ADAMTSL1: variants seen among roughly 807,000 people sequenced by gnomAD.
The protein encoded by ADAMTSL1 is ADAMTS like 1.
A neutral mutation model predicts 201.8 loss-of-function variants in ADAMTSL1; 126 were observed. That is an observed-to-expected ratio of 0.62 (90% confidence interval 0.54 to 0.72). The LOEUF (loss-of-function observed/expected upper bound fraction) is 0.72. Among genes scored for constraint, ADAMTSL1 ranks in the 30% least tolerant of loss-of-function variants. The probability of loss-of-function intolerance (pLI) is 0.00; values close to 1 mark genes in which losing one functional copy is unlikely to be tolerated. For synonymous variants in ADAMTSL1, 1,121 were observed against 903.4 expected (o/e 1.24, Z -4.32); for missense variants, 2,679 against 2,277.8 (o/e 1.18, Z -3.59).
chr9:18,383,630 T>TA (rs1183609306), intron 2 of ADAMTSL1, among the ~76,000 whole-genome samples: 7 of 152,144 alleles, frequency 4.6e-5, no homozygotes, highest in Non-Finnish European at 7.4e-5. Context: ...GCATCCTGGT[T>TA]GACTGTCCCC....
In ADAMTSL1 at chr9:18,134,107, A is replaced by G. The variant is rs117943166; in HGVS notation, c.88-29755A>G. Among the ~76,000 whole-genome samples the G allele has an allele frequency of 1.4e-3, 219 of 152,302 alleles. 2 individuals are homozygous for G. In the East Asian group the frequency reaches 0.019, roughly 13 times the overall value. ...TTGAAATAAACTCCCATTAAGCCAT[A>G]TCTGTGCATGCCTAGTTTGGCACAG... On this transcript the variant is annotated intron_variant, in intron 1 of 29. Transcript: ENST00000680146.
At chr9:18,227,633 GTC>G (rs969698461) in intron 2 of ADAMTSL1, among the ~76,000 whole-genome samples, 12 of 152,122 alleles carry the variant, frequency 7.9e-5, no homozygotes, top group Admixed American at 3.3e-4. Context: ...AAACATGTAT[GTC>G]TTTTTCACAA....
chr9:18,053,551 C>A (rs1822035769), intron 1 of ADAMTSL1, among the ~76,000 whole-genome samples: 2 of 152,122 alleles, frequency 1.3e-5, no homozygotes, highest in Non-Finnish European at 2.9e-5. Context: ...CATATTCCAC[C>A]TTCTTAATTG....
chr9:17,949,765 T>C (rs2131370376), intron 1 of ADAMTSL1, among the ~76,000 whole-genome samples: 1 of 152,276 alleles, frequency 6.6e-6, no homozygotes, highest in South Asian at 2.1e-4. Context: ...GTGCAACTAA[T>C]GTGTGGCTTC....
chr9:18,424,392 G>A (rs902031521), intron 2 of ADAMTSL1, among the ~76,000 whole-genome samples: 4 of 152,144 alleles, frequency 2.6e-5, no homozygotes, highest in African/African-American at 4.8e-5. Flanking sequence ...ATCTTATACA[G>A]TCCCCATGAC....
chr9:18,405,622 A>T (rs1473292991), intron 2 of ADAMTSL1, among the ~76,000 whole-genome samples: 3 of 149,996 alleles, frequency 2.0e-5, no homozygotes, highest in Admixed American at 2.0e-4. Flanking sequence ...AAAACTTGGA[A>T]AAACAGAAGA....
intron 2 of ADAMTSL1, among the ~76,000 whole-genome samples, chr9:18,438,048 GGGAACTTTTGTTAACGCGT>G (rs1230062484): frequency 1.4e-4 from 22 of 152,106 alleles, no homozygotes; most frequent in African/African-American, 5.1e-4. Flanking sequence ...TGAGGAGCCA[GGGAACTTTTGTTAACGCGT>G]GCTTGATGGT....
At chr9:18,252,096 A>G (rs1831486007) in intron 2 of ADAMTSL1, among the ~76,000 whole-genome samples, 1 of 152,168 alleles carries the variant, frequency 6.6e-6, no homozygotes, top group African/African-American at 2.4e-5. Context: ...AAATTGGATG[A>G]TATAGTATAA....
In ADAMTSL1 at chr9:18,884,532, T is replaced by A. The variant is rs900527862; in HGVS notation, c.4250-3299T>A. 2.6e-5 allele frequency among the ~76,000 whole-genome samples: 4 copies of A among 152,216 alleles called. 1 individual carries two copies. Among genetic ancestry groups the A allele is most frequent in the Non-Finnish European group, 5.9e-5 (4 of 68,000 alleles). ...TTTCCCCTGCGATTTTTTTTAAGAG[T>A]TTTATGCTTTCAGCTCTTAGGTTTA... On this transcript the variant is annotated intron_variant, in intron 23 of 28. Coordinates refer to ENST00000380548, the MANE Select transcript of ADAMTSL1 (RefSeq NM_001040272.6).
At chr9:17,945,248 A>G (rs1240061702) in intron 1 of ADAMTSL1, among the ~76,000 whole-genome samples, 1 of 139,914 alleles carries the variant, frequency 7.1e-6, no homozygotes, top group East Asian at 2.1e-4. Context: ...GAGAAATGCA[A>G]ATCAAAACCA....
intron 1 of ADAMTSL1, among the ~76,000 whole-genome samples, chr9:17,939,591 A>G (rs1006561394): frequency 6.6e-5 from 10 of 152,250 alleles, no homozygotes; most frequent in Non-Finnish European, 1.2e-4. Flanking sequence ...AGCTCCTTTA[A>G]TGAAAGGATG....
In ADAMTSL1 at chr9:18,817,217, C is replaced by A; in HGVS notation, c.3914C>A (p.Thr1305Lys). The A allele has an allele frequency of 6.4e-7, 1 of 1,557,796 alleles. No homozygotes were observed. Among genetic ancestry groups the A allele is most frequent in the South Asian group, 1.2e-5 (1 of 84,452 alleles). The change falls in exon 21 of 29, where the codon ACA becomes AAA. Residue 1305 changes from threonine (T) to lysine (K), a missense_variant. Physicochemically the swap from Thr to Lys is moderately conservative, Grantham distance 78. Transcript: ENST00000380548. ...TIKTVQGVNVTINCQVAGVPE... is the reference protein window; with the variant it reads ...TIKTVQGVNVKINCQVAGVPE... Reference sequence around the variant, plus strand: ...AAAACAGTGCAGGGAGTGAATGTGACAATCAACTGCCAGGTTGCAGGTGAG... The same window carrying A: ...AAAACAGTGCAGGGAGTGAATGTGAAAATCAACTGCCAGGTTGCAGGTGAG...
At chr9:18,738,045 T>C (rs1310631459) in intron 15 of ADAMTSL1, among the ~76,000 whole-genome samples, 1 of 152,214 alleles carries the variant, frequency 6.6e-6, no homozygotes, top group Non-Finnish European at 1.5e-5. Flanking sequence ...AATGAATTAA[T>C]ATATGTTAAG....
chr9:18,031,931 A>G (rs1820975790), intron 1 of ADAMTSL1, among the ~76,000 whole-genome samples: 1 of 152,104 alleles, frequency 6.6e-6, no homozygotes, highest in Non-Finnish European at 1.5e-5. Context: ...GGTGCCATAG[A>G]TGTGAAATTG....
intron 5 of ADAMTSL1, among the ~76,000 whole-genome samples, chr9:18,632,896 T>G (rs1042305609): frequency 2.6e-5 from 4 of 152,192 alleles, no homozygotes; most frequent in Non-Finnish European, 5.9e-5. Context: ...TTTCACCTGG[T>G]CTACTTTCTC....
At chr9:18,895,482 T>C (rs10125550) in intron 26 of ADAMTSL1, among the ~76,000 whole-genome samples, 6 of 148,974 alleles carry the variant, frequency 4.0e-5, no homozygotes, top group Non-Finnish European at 8.9e-5. Context: ...CAGCCACTAC[T>C]TGTGAAATCT....
At chr9:18,221,124 T>C (rs1830242706) in intron 2 of ADAMTSL1, among the ~76,000 whole-genome samples, 1 of 152,118 alleles carries the variant, frequency 6.6e-6, no homozygotes, top group Admixed American at 6.6e-5. Flanking sequence ...AAAATCTAAA[T>C]TAGTAGATAT....
At chr9:18,405,443 TGTGA>T (rs1030865236) in intron 2 of ADAMTSL1, among the ~76,000 whole-genome samples, 1 of 152,158 alleles carries the variant, frequency 6.6e-6, no homozygotes, top group African/African-American at 2.4e-5. Context: ...TCCAAACCTC[TGTGA>T]GTGTCTACAG....
Position 18,416,056 on chromosome 9 carries a change from C to A in ADAMTSL1, c.208-88773C>A, listed in dbSNP as rs189553337. ...TACTACAAGAAATCTTCAAGGAAAT[C>A]CTCCAAGCAAAATAAAAATTATGAC... On this transcript the variant is annotated intron_variant, in intron 2 of 29. Coordinates refer to the ADAMTSL1 transcript ENST00000680146. Among the ~76,000 whole-genome samples, 176 of 152,066 alleles carry A rather than the reference C, an allele frequency of 1.2e-3. 2 individuals are homozygous for A. Among genetic ancestry groups the A allele is most frequent in the Admixed American group, 8.3e-3 (127 of 15,264 alleles).
Sources: allele counts gnomAD v4.1 joint callset (sites outside exome capture counted in the v4.1 genomes callset), GRCh38; gene constraint gnomAD v4.1.1; transcripts MANE v1.5; gene names NCBI Gene and HGNC (gene_info 2026-07-23, HGNC 2026-07-21).